RASAL2: variants seen among roughly 807,000 people sequenced by gnomAD.
RASAL2 encodes RAS protein activator like 2, also known as ras GTPase-activating protein nGAP.
A neutral mutation model predicts 128.9 loss-of-function variants in RASAL2; 58 were observed. The observed-to-expected ratio is 0.45, with a 90% CI of 0.36 to 0.56. The LOEUF is 0.56. RASAL2 is among the 20% of genes least tolerant of loss of function. The probability of loss-of-function intolerance (pLI) is 0.00; values close to 1 mark genes in which losing one functional copy is unlikely to be tolerated. For synonymous variants in RASAL2, 561 were observed against 580.8 expected (o/e 0.97, Z 0.49); for missense variants, 1,360 against 1,601.6 (o/e 0.85, Z 2.57).
At chr1:178,344,492 A>C (rs1670044559) in intron 3 of RASAL2, among the ~76,000 whole-genome samples, 1 of 152,004 alleles carries the variant, frequency 6.6e-6, no homozygotes, top group South Asian at 2.1e-4. Context: ...TCCACCCAAG[A>C]CTCCAAGAGT....
At chr1:178,463,721 G>A (rs1647346242) in intron 14 of RASAL2, among the ~76,000 whole-genome samples, 1 of 152,012 alleles carries the variant, frequency 6.6e-6, no homozygotes, top group Admixed American at 6.5e-5. Context: ...AGTAATTGCA[G>A]GTTTTGCCAT....
At chr1:178,383,038 C>A (rs141831096) in intron 3 of RASAL2, among the ~76,000 whole-genome samples, 15 of 152,170 alleles carry the variant, frequency 9.9e-5, no homozygotes, top group East Asian at 9.7e-4. Flanking sequence ...TATTCAGATT[C>A]CTTGGCTGGG....
chr1:178,130,539 G>C (rs1003490369), intron 1 of RASAL2, among the ~76,000 whole-genome samples: 13 of 152,132 alleles, frequency 8.5e-5, no homozygotes, highest in Non-Finnish European at 1.8e-4. Context: ...CTTGAATGCG[G>C]TCTTGACTAC....
At chr1:178,345,484 T>C (rs1670102607) in intron 3 of RASAL2, among the ~76,000 whole-genome samples, 1 of 152,174 alleles carries the variant, frequency 6.6e-6, no homozygotes, top group Non-Finnish European at 1.5e-5. Flanking sequence ...TGAAAAATGT[T>C]GTAACAGCAC....
intron 1 of RASAL2, among the ~76,000 whole-genome samples, chr1:178,181,425 T>G (rs937425009): frequency 7.2e-5 from 11 of 152,016 alleles, no homozygotes. Flanking sequence ...TGGCGCGATC[T>G]CAGCTCACTG....
Position 178,443,056 on chromosome 1 carries a change from C to T in RASAL2, c.1309C>T (p.Arg437Cys), listed in dbSNP as rs200438546. 2.4e-5 allele frequency: 39 copies of T among 1,613,906 alleles called. No homozygotes were observed. In the Admixed American group the frequency reaches 3.7e-4, roughly 15 times the overall value. Reference sequence around the variant, plus strand: ...AGGACCTTCTATTCGGATTAAATCACGTTTCCAAACTATCACCATTCTGCC... The same window carrying T: ...AGGACCTTCTATTCGGATTAAATCATGTTTCCAAACTATCACCATTCTGCC... The part of the protein sequence containing the change: ...TGGPSIRIKS[R>C]FQTITILPME... Residue 437 changes from arginine (R) to cysteine (C), a missense_variant, in exon 8 of 18, where the codon CGT (arginine) becomes TGT (cysteine). Physicochemically the swap from Arg to Cys is radical, Grantham distance 180. Transcript: ENST00000367649.
chr1:178,451,443 G>A (rs890395361), intron 9 of RASAL2, 128 bp from the exon 10 acceptor site: 13 of 979,770 alleles, frequency 1.3e-5, no homozygotes, highest in South Asian at 2.2e-5. Flanking sequence ...GCCATCTTTT[G>A]TGCCCTCCCT....
chr1:178,473,013 G>A (rs1365390169), intron 17 of RASAL2, 62 bp from the exon 18 acceptor site: 4 of 1,575,370 alleles, frequency 2.5e-6, no homozygotes, highest in African/African-American at 1.3e-5. Context: ...TAGTCATTCA[G>A]TAAAGAAAGC....
intron 1 of RASAL2, among the ~76,000 whole-genome samples, chr1:178,267,697 C>T (rs1034734451): frequency 2.0e-5 from 3 of 150,846 alleles, no homozygotes; most frequent in Non-Finnish European, 4.4e-5. Context: ...CAATCTCCAC[C>T]TCCTGAATTC....
chr1:178,131,403 T>TTTTTG (rs1660113398), intron 1 of RASAL2, among the ~76,000 whole-genome samples: 3 of 139,758 alleles, frequency 2.1e-5, no homozygotes, highest in Non-Finnish European at 1.6e-5. Flanking sequence ...TTTTTTTTTG[T>TTTTTG]GGAGACAGGG....
intron 1 of RASAL2, among the ~76,000 whole-genome samples, chr1:178,279,662 G>A (rs1312737370): frequency 3.3e-5 from 5 of 152,092 alleles, no homozygotes; most frequent in African/African-American, 1.2e-4. Context: ...TGGTTATTCA[G>A]TCTTGGTTAT....
chr1:178,367,045 G>A (rs1483908301), intron 3 of RASAL2, among the ~76,000 whole-genome samples: 1 of 152,130 alleles, frequency 6.6e-6, no homozygotes, highest in African/African-American at 2.4e-5. Context: ...TTAAAAGGAT[G>A]AATTTTATAG....
chr1:178,189,765 T>G (rs1013397065), intron 1 of RASAL2, among the ~76,000 whole-genome samples: 1 of 152,212 alleles, frequency 6.6e-6, no homozygotes, highest in African/African-American at 2.4e-5. Flanking sequence ...TTAGCACATC[T>G]ATTTATGTGT....
chr1:178,216,767 T>A (rs1255330032), intron 1 of RASAL2, among the ~76,000 whole-genome samples: 1 of 150,550 alleles, frequency 6.6e-6, no homozygotes, highest in Non-Finnish European at 1.5e-5. Flanking sequence ...AGCCTCCTGA[T>A]TAGCTGGGAT....
At chr1:178,295,391 TG>T (rs1262797073) in intron 2 of RASAL2, among the ~76,000 whole-genome samples, 3 of 152,164 alleles carry the variant, frequency 2.0e-5, no homozygotes. Context: ...CAGCAGGCCC[TG>T]GTGTCTGTTG....
intron 1 of RASAL2, among the ~76,000 whole-genome samples, chr1:178,258,862 TTCA>T (rs967744648): frequency 1.3e-5 from 2 of 152,214 alleles, no homozygotes; most frequent in Non-Finnish European, 2.9e-5. Flanking sequence ...AACCCAAATG[TTCA>T]TCAACTGATG....
intron 1 of RASAL2, among the ~76,000 whole-genome samples, chr1:178,282,719 T>G (rs1666840683): frequency 6.6e-6 from 1 of 152,224 alleles, no homozygotes; most frequent in Non-Finnish European, 1.5e-5. Flanking sequence ...CTCTATAGTA[T>G]ATTCCTGAGA....
At chr1:178,329,415 A>G (rs1669186534) in intron 3 of RASAL2, among the ~76,000 whole-genome samples, 1 of 152,210 alleles carries the variant, frequency 6.6e-6, no homozygotes, top group Non-Finnish European at 1.5e-5. Flanking sequence ...TGAAGTGCTC[A>G]GCATTGTAAA....
At chr1:178,227,196 A>T (rs1028390617) in intron 1 of RASAL2, among the ~76,000 whole-genome samples, 6 of 144,644 alleles carry the variant, frequency 4.1e-5, no homozygotes, top group Admixed American at 1.4e-4. Flanking sequence ...CTTCCAGTTT[A>T]AAAAAAAAAA....
Sources: allele counts gnomAD v4.1 joint callset (sites outside exome capture counted in the v4.1 genomes callset), GRCh38; gene constraint gnomAD v4.1.1; transcripts MANE v1.5; gene names NCBI Gene and HGNC (gene_info 2026-07-23, HGNC 2026-07-21).